Variants in FBXO16 observed in about 807,000 individuals in gnomAD.
The protein encoded by FBXO16 is F-box protein 16.
In FBXO16, 31 loss-of-function variants were observed where a neutral mutation model predicts 41.0. That is an observed-to-expected ratio of 0.76 (90% CI 0.57 to 1.02). FBXO16 has a LOEUF of 1.02. FBXO16 is among the 50% of genes least tolerant of loss of function. FBXO16 has a pLI of 0.00. For missense variants in FBXO16, 361 were observed against 346.2 expected (o/e 1.04, Z -0.34); for synonymous variants, 133 against 117.8 (o/e 1.13, Z -0.84).
At chr8:28,471,811 A>C in intron 3 of FBXO16, among the ~76,000 whole-genome samples, 1 of 130,968 alleles carries the variant, frequency 7.6e-6, no homozygotes, top group Non-Finnish European at 1.6e-5. Context: ...ATCTCAAAAA[A>C]AAAAAAAAAA....
chr8:28,456,613 A>G lies in FBXO16; in HGVS notation c.507+153T>C, dbSNP rs1029616190. The stretch of plus-strand genomic sequence containing the variant: ...TAACATGAATGTCTTGAAAACAACT[A>G]TCAAGTCTCAGAAAAGGAGAATTTT... On this transcript the variant is annotated intron_variant, in intron 5 of 8. Coordinates refer to ENST00000380254, the MANE Select transcript of FBXO16 (RefSeq NM_172366.4). 2.9e-5 allele frequency: 26 copies of G among 882,696 alleles called. No individual in the cohort carries two copies. The Admixed American group carries it at 6.5e-4, about 22-fold the overall frequency. The allele number at this position is 882,696 out of a possible 1,614,324, so 54.7% of individuals were successfully genotyped here.
intron 3 of FBXO16, among the ~76,000 whole-genome samples, chr8:28,467,682 G>A (rs1036582111): frequency 2.6e-5 from 4 of 152,208 alleles, no homozygotes; most frequent in Middle Eastern, 3.2e-3. Flanking sequence ...CTTTCCCGCT[G>A]TCCCCAAAAG....
intron 7 of FBXO16, among the ~76,000 whole-genome samples, chr8:28,435,024 G>T (rs756931004): frequency 2.0e-4 from 30 of 152,240 alleles, no homozygotes; most frequent in Admixed American, 3.3e-4. Flanking sequence ...CCCTGGCCCT[G>T]TCGTGTGGGG....
intron 7 of FBXO16, among the ~76,000 whole-genome samples, chr8:28,432,266 G>A (rs902438452): frequency 2.6e-5 from 4 of 152,056 alleles, no homozygotes; most frequent in Non-Finnish European, 5.9e-5. Flanking sequence ...CTGAGGTCAG[G>A]AGTTCGAGAC....
intron 7 of FBXO16, among the ~76,000 whole-genome samples, chr8:28,430,303 T>C (rs1802587539): frequency 6.6e-6 from 1 of 152,174 alleles, no homozygotes; most frequent in Non-Finnish European, 1.5e-5. Context: ...GGTCCTGAAC[T>C]CCCGAGCTCA....
intron 4 of FBXO16, among the ~76,000 whole-genome samples, chr8:28,463,143 T>A (rs1488188053): frequency 1.3e-5 from 2 of 150,808 alleles, no homozygotes; most frequent in Non-Finnish European, 1.5e-5. Context: ...TTTGTGTGTG[T>A]GTGTATGTTT....
chr8:28,434,802 C>T (rs904939819), intron 7 of FBXO16, among the ~76,000 whole-genome samples: 1 of 152,208 alleles, frequency 6.6e-6, no homozygotes, highest in Admixed American at 6.5e-5. Flanking sequence ...AGTGCGGGAC[C>T]CAGTCGGCCG....
intron 2 of FBXO16, among the ~76,000 whole-genome samples, chr8:28,478,782 A>G (rs898773051): frequency 1.4e-5 from 2 of 147,834 alleles, no homozygotes; most frequent in Non-Finnish European, 3.0e-5. Context: ...AGATCACGCC[A>G]TTGCACTCCA....
intron 7 of FBXO16, among the ~76,000 whole-genome samples, chr8:28,435,995 C>G (rs1451514804): frequency 1.3e-5 from 2 of 152,160 alleles, no homozygotes; most frequent in African/African-American, 4.8e-5. Flanking sequence ...TTGGTTTTAG[C>G]AGTGCAAGCA....
intron 3 of FBXO16, among the ~76,000 whole-genome samples, 179 bp from the exon 4 acceptor site, chr8:28,463,997 G>C (rs1471903580): frequency 6.6e-6 from 1 of 152,104 alleles, no homozygotes; most frequent in Non-Finnish European, 1.5e-5. Flanking sequence ...CATTTATATG[G>C]GAGCATGTGC....
intron 4 of FBXO16, among the ~76,000 whole-genome samples, chr8:28,460,431 T>G (rs1210765602): frequency 1.3e-4 from 16 of 125,048 alleles, no homozygotes; most frequent in African/African-American, 4.9e-4. Flanking sequence ...TAATTTTTTT[T>G]TTTTTTTTTT....
chr8:28,462,273 T>C (rs1163014378), intron 4 of FBXO16, among the ~76,000 whole-genome samples: 2 of 137,418 alleles, frequency 1.5e-5, no homozygotes, highest in Non-Finnish European at 3.0e-5. Flanking sequence ...TTCTTCTTCT[T>C]CTTCTTTTTT....
rs146360865 is a variant in FBXO16, at chr8:28,472,694, G to A, written c.135+1078C>T. Among the ~76,000 whole-genome samples, 134 of 152,200 alleles carry A rather than the reference G, an allele frequency of 8.8e-4. 1 individual carries two copies. The Middle Eastern group carries it at 0.02, about 23-fold the overall frequency. The stretch of plus-strand genomic sequence containing the variant: ...GAGGCGGAGGAGGTTGCAGTGATCC[G>A]AGATGGCACCATTACACTCCAGCCT... On this transcript the variant is annotated intron_variant, in intron 3 of 8. Coordinates refer to ENST00000380254, the MANE Select transcript of FBXO16 (RefSeq NM_172366.4).
chr8:28,453,158 AAATAG>A (rs1287806471), intron 5 of FBXO16, among the ~76,000 whole-genome samples: 1 of 152,206 alleles, frequency 6.6e-6, no homozygotes, highest in African/African-American at 2.4e-5. Flanking sequence ...GCAGAAGAGG[AAATAG>A]AATATAGGAG....
At chr8:28,428,844 G>T in intron 8 of FBXO16, 108 bp from the exon 9 acceptor site, 2 of 1,251,506 alleles carry the variant, frequency 1.6e-6, no homozygotes, top group Non-Finnish European at 2.2e-6. Context: ...AAATTATAGG[G>T]CTGGATGGGA....
chr8:28,463,268 TTG>T (rs1029403875), intron 4 of FBXO16, among the ~76,000 whole-genome samples: 6 of 151,186 alleles, frequency 4.0e-5, no homozygotes, highest in Non-Finnish European at 8.9e-5. Flanking sequence ...GTGCGTGTAT[TTG>T]TGTGTGCATG....
intron 5 of FBXO16, 136 bp downstream of exon 5, chr8:28,456,627 AAGG>A (rs1326236889): frequency 1.0e-6 from 1 of 1,000,096 alleles, no homozygotes; most frequent in Non-Finnish European, 1.4e-6. Flanking sequence ...AGTCTCAGAA[AAGG>A]AGAATTTTGA....
chr8:28,446,954 C>CG, intron 7 of FBXO16: 1 of 424,352 alleles, frequency 2.4e-6, no homozygotes, highest in Non-Finnish European at 4.2e-6. Flanking sequence ...CAGTCTTTTT[C>CG]TTTTTTTAAC....
chr8:28,441,906 A>G lies in FBXO16; in HGVS notation c.843+5265T>C, dbSNP rs1347770169. 7.9e-3 allele frequency among the ~76,000 whole-genome samples: 1,107 copies of G among 139,330 alleles called. 15 individuals carry two copies. The highest frequency in any genetic ancestry group is 0.03 in the African/African-American group (1,053 of 35,408). 91.4% of individuals were successfully genotyped at this position (139,330 alleles called of 152,430 possible). A position where few individuals can be genotyped will look rare whatever the true frequency, so the allele number is the denominator to read the frequency against. On this transcript the variant is annotated intron_variant, in intron 7 of 8. Transcript: ENST00000380254. Reference sequence around the variant, plus strand: ...TATATATAAACTCCACAGTGTATATATATATGTGTGTGTGTGTGTGTGTGT... The same window carrying G: ...TATATATAAACTCCACAGTGTATATGTATATGTGTGTGTGTGTGTGTGTGT...
Sources: gnomAD v4.1 joint callset for allele counts (sites outside exome capture counted in the v4.1 genomes callset) on GRCh38, gnomAD v4.1.1 for gene constraint, MANE v1.5 for transcripts, NCBI Gene and HGNC (gene_info 2026-07-23, HGNC 2026-07-21) for gene names.